Variants in SKI observed in about 807,000 individuals in gnomAD.
The protein encoded by SKI is ski oncogene.
A neutral mutation model predicts 59.3 loss-of-function variants in SKI; 23 were observed. That is an observed-to-expected ratio of 0.39 (90% CI 0.28 to 0.55). The LOEUF (loss-of-function observed/expected upper bound fraction) is 0.55. Ranked by LOEUF, SKI falls within the 20% of genes least tolerant of loss-of-function variation. The probability of loss-of-function intolerance (pLI) is 0.67; values close to 1 mark genes in which losing one functional copy is unlikely to be tolerated. For missense variants in SKI, 1,017 were observed against 1,038.9 expected, an observed-to-expected ratio of 0.98 and a Z score of 0.29; for synonymous variants, 673 against 488.6, an observed-to-expected ratio of 1.38 and a Z score of -4.98.
At chr1:2,242,677 G>T (rs915087000) in intron 1 of SKI, among the ~76,000 whole-genome samples, 4 of 152,048 alleles carry the variant, frequency 2.6e-5, no homozygotes, top group Admixed American at 2.0e-4. Flanking sequence ...GCATCACCAC[G>T]CCTGGCGGAT....
intron 1 of SKI, among the ~76,000 whole-genome samples, chr1:2,239,790 T>G (rs1302800068): frequency 6.6e-6 from 1 of 152,224 alleles, no homozygotes; most frequent in Non-Finnish European, 1.5e-5. Context: ...GAGTGAGGCC[T>G]GTGTCTAGGC....
rs1426988587 is a variant in SKI, at chr1:2,270,615, C to T, written c.970-32363C>T. Among the ~76,000 whole-genome samples the T allele has an allele frequency of 1.3e-5, 2 of 152,076 alleles. No homozygotes were observed. Among genetic ancestry groups the T allele is most frequent in the African/African-American group, 2.4e-5 (1 of 41,448 alleles). The stretch of plus-strand genomic sequence containing the variant: ...GCACTCCCCGTGCCTCCCGGGCAGA[C>T]ACCTCACGGCCTTTCTCTGGGTGTC... On this transcript the variant is annotated intron_variant, in intron 1 of 6. Transcript: ENST00000378536. This position sits in a 1 kb window ranked among gnomAD's most constrained non-coding sequence, Gnocchi z 4.1.
chr1:2,260,540 T>TTC (rs747282304), intron 1 of SKI, among the ~76,000 whole-genome samples: 20 of 127,518 alleles, frequency 1.6e-4, no homozygotes, highest in Non-Finnish European at 2.9e-4. Context: ...TTTTTCTTTT[T>TTC]TTTTTTTTTT....
chr1:2,285,950 T>C (rs1415989920), intron 1 of SKI, among the ~76,000 whole-genome samples: 3 of 142,118 alleles, frequency 2.1e-5, no homozygotes, highest in African/African-American at 7.9e-5. Flanking sequence ...CTCGGCTCAC[T>C]GCAAGCTCTG....
In SKI at chr1:2,304,021, C is replaced by G. The variant is rs765801336; in HGVS notation, c.1393C>G (p.Pro465Ala). The G allele has an allele frequency of 1.2e-6, 2 of 1,612,490 alleles. No homozygotes were observed. Among genetic ancestry groups the G allele is most frequent in the Admixed American group, 3.3e-5 (2 of 59,994 alleles). Residue 465 changes from proline to alanine, a missense_variant, in exon 4 of 7, where the codon CCA (proline) becomes GCA (alanine). By Grantham distance (27) the Pro-to-Ala change is conservative. Transcript: ENST00000378536. Reference sequence around the variant, plus strand: ...GCTGACTGTGGACACCCCAGGAGCCCCAGAGACGCTGGCGCCCGTGGCTGC... The same window carrying G: ...GCTGACTGTGGACACCCCAGGAGCCGCAGAGACGCTGGCGCCCGTGGCTGC... Reference protein sequence around the residue: ...RKLTVDTPGAPETLAPVAAPE... With the variant: ...RKLTVDTPGAAETLAPVAAPE...
At chr1:2,241,671 G>T (rs1638877281) in intron 1 of SKI, among the ~76,000 whole-genome samples, 1 of 152,216 alleles carries the variant, frequency 6.6e-6, no homozygotes, top group Non-Finnish European at 1.5e-5. Context: ...AGGATTACAG[G>T]TGTGAGCCAC....
chr1:2,271,788 C>T (rs568834153), intron 1 of SKI, among the ~76,000 whole-genome samples: 8 of 152,284 alleles, frequency 5.3e-5, no homozygotes, highest in African/African-American at 1.7e-4. Flanking sequence ...TCCCCCCAAC[C>T]TCACGTCCAG....
At chr1:2,261,561 C>T (rs990053085) in intron 1 of SKI, among the ~76,000 whole-genome samples, 22 of 152,202 alleles carry the variant, frequency 1.4e-4, no homozygotes, top group Admixed American at 9.2e-4. Flanking sequence ...TGGATATAAA[C>T]GGCCACTACA....
intron 1 of SKI, among the ~76,000 whole-genome samples, chr1:2,294,153 G>A (rs537989310): frequency 2.0e-5 from 3 of 152,298 alleles, no homozygotes; most frequent in East Asian, 1.9e-4. Flanking sequence ...TCCCCTGAGC[G>A]GGGGCTTCCA....
chr1:2,241,823 C>G (rs1390143956), intron 1 of SKI, among the ~76,000 whole-genome samples: 1 of 152,226 alleles, frequency 6.6e-6, no homozygotes, highest in African/African-American at 2.4e-5. Flanking sequence ...CCTAACAAAG[C>G]TGAGGGCAAT....
intron 1 of SKI, among the ~76,000 whole-genome samples, chr1:2,276,775 T>G (rs768702624): frequency 6.6e-6 from 1 of 152,162 alleles, no homozygotes; most frequent in African/African-American, 2.4e-5. Context: ...AGTTCCTGAT[T>G]GCTGTCTTTG....
At position 2,301,050 on chromosome 1, in the gene SKI, G is replaced by A. The variant is rs375443553; in HGVS notation, c.970-1928G>A. ...TCTCCCGGAGTCAGCGCCGGCTGTT[G>A]TGGCTTTTCCCCGGGTGATAACTGA... On this transcript the variant is annotated intron_variant, in intron 1 of 6. Coordinates refer to ENST00000378536, the MANE Select transcript of SKI (RefSeq NM_003036.4). 1.2e-4 allele frequency among the ~76,000 whole-genome samples: 19 copies of A among 152,284 alleles called. No individual in the cohort carries two copies. The South Asian group carries it at 3.9e-3, about 32-fold the overall frequency.
At chr1:2,255,243 G>C (rs925661427) in intron 1 of SKI, among the ~76,000 whole-genome samples, 2 of 152,064 alleles carry the variant, frequency 1.3e-5, no homozygotes, top group Non-Finnish European at 2.9e-5. Flanking sequence ...TGACCCCCAC[G>C]TACCTGAGTG....
chr1:2,247,219 A>T lies in SKI; in HGVS notation c.969+17484A>T, dbSNP rs539592671. The stretch of plus-strand genomic sequence containing the variant: ...GGGCAACAGAGCAAGACTCCATCTT[A>T]AAAAAACAAAAAACAAAAAAGGGAG... On this transcript the variant is annotated intron_variant, in intron 1 of 6. Coordinates refer to ENST00000378536, the MANE Select transcript of SKI (RefSeq NM_003036.4). 8.5e-5 allele frequency among the ~76,000 whole-genome samples: 13 copies of T among 152,236 alleles called. No homozygotes were observed. In the South Asian group the frequency reaches 2.5e-3, roughly 29 times the overall value.
intron 1 of SKI, among the ~76,000 whole-genome samples, chr1:2,266,788 A>G (rs2100846955): frequency 6.6e-6 from 1 of 152,310 alleles, no homozygotes; most frequent in East Asian, 1.9e-4. Flanking sequence ...TGCTGTCGTC[A>G]CAGCGGCCGG....
chr1:2,275,600 G>C (rs949799956), intron 1 of SKI, among the ~76,000 whole-genome samples: 1 of 151,970 alleles, frequency 6.6e-6, no homozygotes, highest in Non-Finnish European at 1.5e-5. Flanking sequence ...TGCAAGCTCC[G>C]CTCCCGGGTT....
chr1:2,300,261 G>A (rs1341421038), intron 1 of SKI, among the ~76,000 whole-genome samples: 1 of 152,270 alleles, frequency 6.6e-6, no homozygotes, highest in African/African-American at 2.4e-5. Context: ...GCTGACAGTG[G>A]CCTGAAGGGC....
Position 2,229,819 on chromosome 1 carries a change from G to T in SKI, c.969+84G>T, listed in dbSNP as rs1638591668. ...GGACTACAGGCTCTGGTCTCCGAAG[G>T]CTGGGACCTGTGCTTCTGCCGTGCC... On this transcript the variant is annotated intron_variant, in intron 1 of 6. Coordinates refer to ENST00000378536, the MANE Select transcript of SKI (RefSeq NM_003036.4). The surrounding 1 kb of genome is among the most constrained non-coding windows in gnomAD (Gnocchi z 6.3). The T allele has an allele frequency of 6.5e-7, 1 of 1,544,962 alleles. No individual in the cohort carries two copies. Among genetic ancestry groups the T allele is most frequent in the Non-Finnish European group, 8.7e-7 (1 of 1,144,204 alleles).
Position 2,268,751 on chromosome 1 carries a change from G to A in SKI, c.970-34227G>A, listed in dbSNP as rs1639551311. ...TAGGTGCAGTCCAGGGAGAGGCCATGACAGGAGTGGGTGTGGGGACTGGTG... is the reference window on the plus strand; with the variant it reads ...TAGGTGCAGTCCAGGGAGAGGCCATAACAGGAGTGGGTGTGGGGACTGGTG... On this transcript the variant is annotated intron_variant, in intron 1 of 6. Coordinates refer to ENST00000378536, the MANE Select transcript of SKI (RefSeq NM_003036.4). This position sits in a 1 kb window ranked among gnomAD's most constrained non-coding sequence, Gnocchi z 5.0. Among the ~76,000 whole-genome samples, 1 of 152,226 alleles carries A rather than the reference G, an allele frequency of 6.6e-6. No individual in the cohort carries two copies. Among genetic ancestry groups the A allele is most frequent in the Admixed American group, 6.5e-5 (1 of 15,292 alleles).
Sources: allele counts gnomAD v4.1 joint callset (sites outside exome capture counted in the v4.1 genomes callset), GRCh38; gene constraint gnomAD v4.1.1; non-coding constraint Gnocchi (gnomAD v3.1); transcripts MANE v1.5; gene names NCBI Gene and HGNC (gene_info 2026-07-23, HGNC 2026-07-21).